PP2D1: variants seen among roughly 807,000 people sequenced by gnomAD.
PP2D1 encodes the protein protein phosphatase 2C like domain containing 1.
In PP2D1, 25 loss-of-function variants were observed where a neutral mutation model predicts 30.2. That is an observed-to-expected ratio of 0.83 (90% CI 0.60 to 1.16). PP2D1 has a LOEUF of 1.16. Ranked by LOEUF, PP2D1 falls within the 50% of genes most tolerant of loss-of-function variation. The pLI, the probability that PP2D1 is intolerant of heterozygous loss-of-function variation, is 0.00. For missense variants in PP2D1, 760 were observed against 742.4 expected (o/e 1.02, Z -0.28); for synonymous variants, 260 against 258.9 (o/e 1.00, Z -0.04).
rs759365326 is a variant in PP2D1 at position 19,985,558 on chromosome 3, G to A, written c.1715C>T (p.Thr572Ile). The A allele has an allele frequency of 1.2e-5, 19 of 1,536,054 alleles. No homozygotes were observed. In the South Asian group the frequency reaches 2.3e-4, roughly 18 times the overall value. Residue 572 changes from threonine to isoleucine, a missense_variant, in exon 3 of 3, where the codon ACT becomes ATT. Thr to Ile is a moderately conservative substitution (Grantham distance 89). This residue lies in a region of PP2D1 where 369 missense variants were observed against 316.2 expected (regional missense o/e 1.17). Coordinates refer to ENST00000389050, the MANE Select transcript of PP2D1 (RefSeq NM_001252657.2). Reference sequence around the variant, plus strand: ...ATTTGTTGCCACATCATTTACACTAGTTGGTCTGTCAGTTACTTTTTCACT... The same window carrying A: ...ATTTGTTGCCACATCATTTACACTAATTGGTCTGTCAGTTACTTTTTCACT... ...PCSEKVTDRP[T>I]SVNDVATNEK...
intron 1 of PP2D1, among the ~76,000 whole-genome samples, chr3:20,011,812 A>G (rs569356349): frequency 3.4e-4 from 51 of 147,866 alleles, no homozygotes; most frequent in Non-Finnish European, 5.3e-4. Flanking sequence ...ATAAATAAAT[A>G]AATAAAATAA....
chr3:20,010,164 C>G (rs981640805), intron 1 of PP2D1, among the ~76,000 whole-genome samples: 1 of 152,104 alleles, frequency 6.6e-6, no homozygotes, highest in Admixed American at 6.6e-5. Context: ...GTAGTGCTAT[C>G]TCGGCTCACT....
At chr3:19,987,838 A>G (rs1366547010) in intron 2 of PP2D1, among the ~76,000 whole-genome samples, 1 of 152,198 alleles carries the variant, frequency 6.6e-6, no homozygotes, top group Non-Finnish European at 1.5e-5. Context: ...AAGAACATAA[A>G]TTGTGAAGAT....
At chr3:19,999,560 TG>T (rs1184208323) in intron 2 of PP2D1, among the ~76,000 whole-genome samples, 31 of 146,552 alleles carry the variant, frequency 2.1e-4, no homozygotes, top group Non-Finnish European at 3.3e-4. Context: ...TTTTTTTTTT[TG>T]TATTTTTAGT....
chr3:19,985,294 A>T (rs1697011312), downstream of PP2D1: 2 of 882,014 alleles, frequency 2.3e-6, no homozygotes, highest in East Asian at 5.3e-5. Flanking sequence ...AATTATTTGC[A>T]TGGTATTGAT....
Position 19,985,979 on chromosome 3 carries a change from T to G in PP2D1, c.1294A>C (p.Ile432Leu). 1 of 1,536,158 alleles carries G rather than the reference T, an allele frequency of 6.5e-7. No individual in the cohort carries two copies. Among genetic ancestry groups the G allele is most frequent in the South Asian group, 1.2e-5 (1 of 84,064 alleles). The change falls in exon 3 of 3, where the codon ATT becomes CTT. Residue 432 changes from isoleucine to leucine, a missense_variant. Around this residue, in one of 3 missense-constraint regions of PP2D1, gnomAD observed 369 missense variants for 316.2 expected, o/e 1.17. Transcript: ENST00000389050. ...GAAATAGTTTGAGGTGCTGGGATAA[T>G]GGATTTTTTCAGCTTGAGATTTCCA... ...FHGNLKLKKS[I>L]IPAPQTISVP... is the part of the protein sequence containing the mutation.
downstream of PP2D1, chr3:19,983,654 C>T: frequency 1.7e-6 from 2 of 1,184,622 alleles, no homozygotes; most frequent in Middle Eastern, 1.9e-4. Context: ...GCAGGTGAAA[C>T]TGATATTAAT....
At chr3:19,995,478 G>A (rs1293804624) in intron 2 of PP2D1, among the ~76,000 whole-genome samples, 1 of 152,198 alleles carries the variant, frequency 6.6e-6, no homozygotes, top group Non-Finnish European at 1.5e-5. Flanking sequence ...GCATGGCCCT[G>A]TGAACACCTT....
intron 1 of PP2D1, among the ~76,000 whole-genome samples, chr3:20,003,996 G>A (rs767290370): frequency 3.7e-4 from 57 of 152,118 alleles, no homozygotes; most frequent in Non-Finnish European, 7.6e-4. Context: ...AGTTTATAAG[G>A]TTAGTGTAAC....
At chr3:19,985,335 A>G (rs1575081444), downstream of PP2D1, 3 of 1,286,396 alleles carry the variant, frequency 2.3e-6, no homozygotes, top group East Asian at 7.6e-5. Context: ...TCATTGAAGA[A>G]TCACTTTATA....
chr3:19,988,903 C>G (rs1314326710), intron 2 of PP2D1, among the ~76,000 whole-genome samples: 1 of 151,500 alleles, frequency 6.6e-6, no homozygotes, highest in African/African-American at 2.4e-5. Flanking sequence ...CAAGAACTGC[C>G]TCTACACAGG....
At position 20,012,160 on chromosome 3, in the gene PP2D1, G is replaced by T; in HGVS notation, c.-88C>A. On this transcript the variant is annotated 5_prime_UTR_variant, in exon 1 of 3. Transcript: ENST00000389050. ...CAACTTGAGTAGTGATGGTGATGGT[G>T]GAGGTAGAGGTGAATGTGATGGCTG... 9.2e-7 allele frequency: 1 copy of T among 1,087,746 alleles called. No homozygotes were observed. The highest frequency in any genetic ancestry group is 1.3e-6 in the Non-Finnish European group (1 of 753,474). 67.4% of individuals were successfully genotyped at this position (1,087,746 alleles called of 1,614,324 possible).
intron 1 of PP2D1, chr3:20,008,226 T>G (rs1180129899): frequency 6.4e-6 from 1 of 156,498 alleles, no homozygotes; most frequent in African/African-American, 2.4e-5. Context: ...TCCTTCTGGG[T>G]AATGTGCGAC....
chr3:19,985,018 G>T, downstream of PP2D1: 1 of 195,362 alleles, frequency 5.1e-6, no homozygotes, highest in Non-Finnish European at 1.0e-5. Context: ...TTCATTATAT[G>T]AAAGCTACCA....
intron 1 of PP2D1, among the ~76,000 whole-genome samples, chr3:20,002,489 G>C (rs1400576525): frequency 6.6e-6 from 1 of 152,168 alleles, no homozygotes; most frequent in Admixed American, 6.5e-5. Flanking sequence ...GGTACCAAAA[G>C]ATTATAATGG....
intron 2 of PP2D1, among the ~76,000 whole-genome samples, chr3:19,991,161 G>A (rs1310378354): frequency 1.3e-5 from 2 of 152,182 alleles, no homozygotes; most frequent in African/African-American, 4.8e-5. Context: ...TAATCTTGGG[G>A]ATTAAAAAGA....
chr3:19,983,345 CAAAAAA>C (rs34872300), downstream of PP2D1, among the ~76,000 whole-genome samples: 1 of 92,120 alleles, frequency 1.1e-5, no homozygotes, highest in African/African-American at 4.1e-5. Context: ...GACTACATCT[CAAAAAA>C]AAAAAAAAAA....
In PP2D1 at chr3:20,001,350, T is replaced by A. The variant is rs1307036984; in HGVS notation, c.770A>T (p.Glu257Val). 1.3e-6 allele frequency: 2 copies of A among 1,536,068 alleles called. No homozygotes were observed. Among genetic ancestry groups the A allele is most frequent in the South Asian group, 2.4e-5 (2 of 84,032 alleles). ...IINSFYTVFR[E>V]EYAAIEDLFS... ...GAGGTCTTCTATTGCTGCGTATTCT[T>A]CTCTAAACACAGTGTAAAAGGAATT... Residue 257 changes from glutamate (E) to valine (V), a missense_variant, in exon 2 of 3, where the codon GAA (glutamate) becomes GTA (valine). Glu to Val is a moderately radical substitution (Grantham distance 121). Coordinates refer to ENST00000389050, the MANE Select transcript of PP2D1 (RefSeq NM_001252657.2).
In PP2D1 at chr3:19,987,349, G is replaced by A. The variant is rs145509486; in HGVS notation, c.1091-1167C>T. On this transcript the variant is annotated intron_variant, in intron 2 of 2. Coordinates refer to ENST00000389050, the MANE Select transcript of PP2D1 (RefSeq NM_001252657.2). ...CCCAAGTTTTTAGGAATATAATTAC[G>A]TATTTTTTAAATTACATATAATTAC... Among the ~76,000 whole-genome samples, 404 of 152,012 alleles carry A rather than the reference G, an allele frequency of 2.7e-3. 3 individuals are homozygous for A. The highest frequency in any genetic ancestry group is 9.1e-3 in the African/African-American group (377 of 41,466).
Sources: gnomAD v4.1 joint callset for allele counts (sites outside exome capture counted in the v4.1 genomes callset) on GRCh38, gnomAD v4.1.1 for gene constraint, gnomAD v4.1.1 regional missense constraint, MANE v1.5 for transcripts, NCBI Gene and HGNC (gene_info 2026-07-23, HGNC 2026-07-21) for gene names.